Variants in ADCY5 observed in about 807,000 individuals in gnomAD.
ADCY5 encodes adenylate cyclase 5.
Under a neutral mutation model 119.7 loss-of-function variants are expected in ADCY5, and 30 were observed. The ratio of observed to expected loss-of-function variants is 0.25; its 90% confidence interval spans 0.19 to 0.34. The LOEUF (loss-of-function observed/expected upper bound fraction) is 0.34. Ranked by LOEUF, ADCY5 falls within the 10% of genes least tolerant of loss-of-function variation. ADCY5 has a pLI of 1.00. For synonymous variants in ADCY5, 753 were observed against 762.2 expected, an observed-to-expected ratio of 0.99 and a Z score of 0.20; for missense variants, 1,324 against 1,775.2, an observed-to-expected ratio of 0.75 and a Z score of 4.57.
Position 123,303,015 on chromosome 3 carries a change from A to G in ADCY5, c.2724+40T>C. The G allele has an allele frequency of 4.4e-6, 7 of 1,603,792 alleles. No individual in the cohort carries two copies. In the Middle Eastern group the frequency reaches 5.6e-4, roughly 129 times the overall value. On this transcript the variant is annotated intron_variant, in intron 14 of 20. Coordinates refer to ENST00000462833, the MANE Select transcript of ADCY5 (RefSeq NM_183357.3). ...CAGTGACAGTGGGGGAGGGCAAGGG[A>G]CTCTTCAGCACTCCCTTCCAGCCCC... is the stretch of plus-strand genomic sequence containing the variant.
intron 8 of ADCY5, among the ~76,000 whole-genome samples, chr3:123,324,235 A>C (rs1457969187): frequency 6.6e-6 from 1 of 152,146 alleles, no homozygotes; most frequent in Non-Finnish European, 1.5e-5. Context: ...GGTCCCCAGC[A>C]TGTCCCCTTC....
intron 8 of ADCY5, 140 bp downstream of exon 8, chr3:123,325,182 G>A (rs1261351048): frequency 1.6e-5 from 18 of 1,159,300 alleles, no homozygotes; most frequent in Middle Eastern, 5.9e-4. Context: ...TCCAAAGTTG[G>A]GGCAAACCGC....
chr3:123,294,129 C>T (rs899286947), intron 17 of ADCY5, among the ~76,000 whole-genome samples: 10 of 152,092 alleles, frequency 6.6e-5, no homozygotes, highest in African/African-American at 1.9e-4. Context: ...TGGGAATCTG[C>T]GAGTCCAGGC....
intron 1 of ADCY5, among the ~76,000 whole-genome samples, chr3:123,385,065 C>G (rs1051727973): frequency 1.3e-5 from 2 of 152,136 alleles, no homozygotes; most frequent in East Asian, 3.8e-4. Context: ...ACAATCTGAA[C>G]GCAGGCCCCC....
intron 1 of ADCY5, among the ~76,000 whole-genome samples, chr3:123,359,727 G>C (rs910667089): frequency 1.3e-5 from 2 of 152,148 alleles, no homozygotes; most frequent in African/African-American, 4.8e-5. Flanking sequence ...AGGAGGAGAG[G>C]CTCTCTCCCG....
chr3:123,359,216 T>A (rs1943149977), intron 1 of ADCY5, among the ~76,000 whole-genome samples: 1 of 150,788 alleles, frequency 6.6e-6, no homozygotes, highest in South Asian at 2.1e-4. Flanking sequence ...GGAGCCAGAG[T>A]TAGTGATGGG....
chr3:123,354,484 T>A (rs1429720385), intron 1 of ADCY5, among the ~76,000 whole-genome samples: 3 of 152,120 alleles, frequency 2.0e-5, no homozygotes, highest in African/African-American at 7.2e-5. Flanking sequence ...TAGTAACCAA[T>A]GCTGTGATTA....
chr3:123,393,600 T>TAAAATAAA lies in ADCY5; in HGVS notation c.1135-41020_1135-41019insTTTATTTT, dbSNP rs1944458141. On this transcript the variant is annotated intron_variant, in intron 1 of 20. Transcript: ENST00000462833. ...TAAAATAAAATAAAATAAAATAAAA[T>TAAAATAAA]AAAATGAGGGTGTGAGGGACAGCGT... 4.0e-5 allele frequency among the ~76,000 whole-genome samples: 6 copies of TAAAATAAA among 151,500 alleles called. No individual in the cohort carries two copies. The South Asian group carries it at 1.3e-3, about 32-fold the overall frequency.
intron 12 of ADCY5, among the ~76,000 whole-genome samples, chr3:123,311,129 T>C (rs1383809738): frequency 2.0e-5 from 3 of 152,232 alleles, no homozygotes; most frequent in Non-Finnish European, 4.4e-5. Context: ...AGACTGACAC[T>C]AACTGGCTTG....
intron 1 of ADCY5, among the ~76,000 whole-genome samples, chr3:123,363,798 A>G (rs1943339441): frequency 6.6e-6 from 1 of 152,142 alleles, no homozygotes; most frequent in African/African-American, 2.4e-5. Flanking sequence ...AGTCCCAGCT[A>G]CTTGGGAGGC....
chr3:123,302,371 A>G (rs1193301940), intron 14 of ADCY5, among the ~76,000 whole-genome samples: 1 of 152,254 alleles, frequency 6.6e-6, no homozygotes, highest in African/African-American at 2.4e-5. Flanking sequence ...TTTTGGGGTG[A>G]TGAAAGTATT....
intron 1 of ADCY5, among the ~76,000 whole-genome samples, chr3:123,441,945 TC>T (rs1413312602): frequency 6.8e-6 from 1 of 146,808 alleles, no homozygotes; most frequent in African/African-American, 2.5e-5. Flanking sequence ...AGAGAGATCT[TC>T]CCTGTCCTAC....
In ADCY5 at chr3:123,422,528, G is replaced by C. The variant is rs62262430; in HGVS notation, c.1134+24884C>G. 6.3e-3 allele frequency among the ~76,000 whole-genome samples: 961 copies of C among 152,288 alleles called. 5 individuals are homozygous for C. The highest frequency in any genetic ancestry group is 0.011 in the Non-Finnish European group (741 of 68,018). On this transcript the variant is annotated intron_variant, in intron 1 of 20. Transcript: ENST00000462833. ...TATATACAGGTAGGTGGTGGAGCTG[G>C]GTTTCAAATGCAGAGCCGCCTGACT...
intron 1 of ADCY5, among the ~76,000 whole-genome samples, chr3:123,435,775 C>T (rs1453791102): frequency 6.6e-6 from 1 of 151,318 alleles, no homozygotes; most frequent in Non-Finnish European, 1.5e-5. Context: ...AATCTCAGCA[C>T]TTTGGGAGGC....
chr3:123,371,525 T>C (rs1403274776), intron 1 of ADCY5, among the ~76,000 whole-genome samples: 1 of 152,198 alleles, frequency 6.6e-6, no homozygotes, highest in Non-Finnish European at 1.5e-5. Context: ...CCTGGGTGCT[T>C]TACCAGAGTA....
intron 14 of ADCY5, among the ~76,000 whole-genome samples, chr3:123,300,545 C>A (rs1559787247): frequency 1.3e-5 from 2 of 152,328 alleles, no homozygotes; most frequent in East Asian, 3.9e-4. Context: ...CAGGCCCAGG[C>A]TGCCCTGGGT....
At chr3:123,300,447 T>C (rs1939782392) in intron 14 of ADCY5, 152 bp from the exon 15 acceptor site, 1 of 899,192 alleles carries the variant, frequency 1.1e-6, no homozygotes, top group African/African-American at 1.7e-5. Flanking sequence ...TGATATAAAG[T>C]GAAGGGCCCT....
chr3:123,419,483 CCT>C (rs1236820752), intron 1 of ADCY5, among the ~76,000 whole-genome samples: 3 of 152,118 alleles, frequency 2.0e-5, no homozygotes, highest in Non-Finnish European at 4.4e-5. Flanking sequence ...GTAAATGCTC[CCT>C]GTCCAACCGA....
At position 123,406,195 on chromosome 3, in the gene ADCY5, C is replaced by A. The variant is rs145522614; in HGVS notation, c.1134+41217G>T. On this transcript the variant is annotated intron_variant, in intron 1 of 20. Transcript: ENST00000462833. ...TGAACAACCAGAGACAGCCTCTAGG[C>A]TCCAGGGCCTGCTGTAGTTATTCAA... Among the ~76,000 whole-genome samples the A allele has an allele frequency of 8.5e-4, 130 of 152,330 alleles. No homozygotes were observed. In the East Asian group the frequency reaches 0.017, roughly 20 times the overall value.
Sources: gnomAD v4.1 joint callset for allele counts (sites outside exome capture counted in the v4.1 genomes callset) on GRCh38, gnomAD v4.1.1 for gene constraint, MANE v1.5 for transcripts, NCBI Gene and HGNC (gene_info 2026-07-23, HGNC 2026-07-21) for gene names.